The following PPP1R36 variants were observed in gnomAD, a reference collection of about 807,000 sequenced individuals.
PPP1R36 encodes chromosome 14 open reading frame 50.
In PPP1R36, 47 loss-of-function variants were observed where a neutral mutation model predicts 53.4. The observed-to-expected ratio is 0.88, with a 90% CI of 0.70 to 1.12. The LOEUF is 1.12. Ranked by LOEUF, PPP1R36 falls within the 50% of genes most tolerant of loss-of-function variation. The pLI, the probability that PPP1R36 is intolerant of heterozygous loss-of-function variation, is 0.00. For synonymous variants in PPP1R36, 153 were observed against 170.5 expected (o/e 0.90, Z 0.80); for missense variants, 456 against 513.9 (o/e 0.89, Z 1.09).
chr14:64,578,521 T>C (rs1596743595), intron 8 of PPP1R36, among the ~76,000 whole-genome samples: 2 of 152,336 alleles, frequency 1.3e-5, no homozygotes, highest in East Asian at 3.9e-4. Context: ...TATATTTCTT[T>C]CTGTGGGTTA....
chr14:64,555,065 T>C (rs1457972563), intron 3 of PPP1R36, among the ~76,000 whole-genome samples: 1 of 152,224 alleles, frequency 6.6e-6, no homozygotes, highest in African/African-American at 2.4e-5. Flanking sequence ...TTAACCGTTT[T>C]CTTGTTTGCC....
intron 7 of PPP1R36, 35 bp from the exon 8 acceptor site, chr14:64,574,420 A>C: frequency 6.3e-7 from 1 of 1,581,874 alleles, no homozygotes; most frequent in Admixed American, 1.9e-5. Flanking sequence ...TATGACAATT[A>C]ACCCAAATTC....
intron 8 of PPP1R36, among the ~76,000 whole-genome samples, chr14:64,578,111 C>T (rs2080358048): frequency 6.6e-6 from 1 of 151,976 alleles, no homozygotes; most frequent in South Asian, 2.1e-4. Context: ...TCTGCTACCA[C>T]GCCTGGCTAA....
intron 3 of PPP1R36, among the ~76,000 whole-genome samples, chr14:64,557,083 C>T (rs1364892010): frequency 6.6e-6 from 1 of 152,084 alleles, no homozygotes; most frequent in Non-Finnish European, 1.5e-5. Context: ...CTGCCTGCCT[C>T]AGCCTCCCAA....
intron 2 of PPP1R36, chr14:64,551,651 A>C: frequency 2.2e-6 from 1 of 456,326 alleles, no homozygotes; most frequent in Non-Finnish European, 4.4e-6. Context: ...AACAAGGCTC[A>C]GGGAGATTAA....
At chr14:64,553,634 A>C (rs2080115653) in intron 3 of PPP1R36, among the ~76,000 whole-genome samples, 1 of 152,144 alleles carries the variant, frequency 6.6e-6, no homozygotes, top group Admixed American at 6.5e-5. Context: ...AGGAAATAAA[A>C]AATAGTGGTC....
At chr14:64,583,535 C>T (rs1486975729) in intron 8 of PPP1R36, among the ~76,000 whole-genome samples, 1 of 152,064 alleles carries the variant, frequency 6.6e-6, no homozygotes, top group Non-Finnish European at 1.5e-5. Flanking sequence ...AAGAGTTAGG[C>T]CGGGCGCTGT....
chr14:64,565,765 A>T, intron 6 of PPP1R36, 73 bp downstream of exon 6: 1 of 1,168,106 alleles, frequency 8.6e-7, no homozygotes, highest in Non-Finnish European at 1.3e-6. Flanking sequence ...ATAAGTGATG[A>T]CAAATCTGAT....
chr14:64,558,564 G>A (rs2080177118), intron 3 of PPP1R36, among the ~76,000 whole-genome samples: 1 of 151,950 alleles, frequency 6.6e-6, no homozygotes, highest in Non-Finnish European at 1.5e-5. Context: ...GGGCAACAGA[G>A]TGAGACCCTG....
intron 3 of PPP1R36, among the ~76,000 whole-genome samples, chr14:64,562,969 C>T (rs2140226604): frequency 6.6e-6 from 1 of 152,240 alleles, no homozygotes; most frequent in Admixed American, 6.5e-5. Context: ...CGGGTTCAAG[C>T]AATTCTCCTG....
Position 64,551,978 on chromosome 14 carries a change from G to A in PPP1R36, c.135-836G>A, listed in dbSNP as rs552157230. On this transcript the variant is annotated intron_variant, in intron 2 of 11. Transcript: ENST00000298705. ...GATAATTATACAAGTAAGCAATAGC[G>A]AGAGTTAGAATTAACTCCAGGTTGG... Among the ~76,000 whole-genome samples, 11 of 152,306 alleles carry A rather than the reference G, an allele frequency of 7.2e-5. No homozygotes were observed. The South Asian group carries it at 1.2e-3, about 17-fold the overall frequency.
At chr14:64,551,045 A>T in intron 2 of PPP1R36, 60 bp downstream of exon 2, 1 of 1,127,682 alleles carries the variant, frequency 8.9e-7, no homozygotes, top group East Asian at 2.4e-5. Context: ...CTGGGGGAAA[A>T]AAAAGCAACA....
intron 1 of PPP1R36, 104 bp from the exon 2 acceptor site, chr14:64,550,817 A>T: frequency 1.2e-6 from 1 of 810,022 alleles, no homozygotes; most frequent in Non-Finnish European, 2.0e-6. Flanking sequence ...TTATTACTTA[A>T]AAGATGTGTT....
intron 3 of PPP1R36, among the ~76,000 whole-genome samples, chr14:64,555,466 A>C (rs1230508621): frequency 6.6e-6 from 1 of 152,250 alleles, no homozygotes; most frequent in Non-Finnish European, 1.5e-5. Context: ...TCATGTGGAA[A>C]AGCAGTCAGA....
chr14:64,561,823 C>G (rs1258524147), intron 3 of PPP1R36: 9 of 455,894 alleles, frequency 2.0e-5, no homozygotes, highest in Admixed American at 2.4e-5. Context: ...AACCAGCAGT[C>G]TGCCTGAATG....
At chr14:64,560,578 G>A (rs992287218) in intron 3 of PPP1R36, among the ~76,000 whole-genome samples, 3 of 152,158 alleles carry the variant, frequency 2.0e-5, no homozygotes, top group African/African-American at 7.2e-5. Context: ...TAGGATGGTG[G>A]CAGTGGAAAG....
chr14:64,573,243 A>T (rs1229901687), intron 7 of PPP1R36, among the ~76,000 whole-genome samples: 2 of 152,356 alleles, frequency 1.3e-5, no homozygotes, highest in African/African-American at 4.8e-5. Context: ...GTAACCTAAG[A>T]ACAGTTTGTC....
At chr14:64,586,944 T>A (rs2080438330) in intron 9 of PPP1R36, 65 bp downstream of exon 9, 2 of 1,266,110 alleles carry the variant, frequency 1.6e-6, no homozygotes, top group Non-Finnish European at 2.3e-6. Context: ...CAATGGCCAT[T>A]TGTCAGGCAC....
chr14:64,557,923 C>T (rs1002324585), intron 3 of PPP1R36, among the ~76,000 whole-genome samples: 1 of 152,094 alleles, frequency 6.6e-6, no homozygotes, highest in Non-Finnish European at 1.5e-5. Flanking sequence ...GCAGGAGAAT[C>T]GCTTGAACCC....
Sources: allele counts gnomAD v4.1 joint callset (sites outside exome capture counted in the v4.1 genomes callset), GRCh38; gene constraint gnomAD v4.1.1; transcripts MANE v1.5; gene names NCBI Gene and HGNC (gene_info 2026-07-23, HGNC 2026-07-21).